Variants in NRXN1 observed in about 807,000 individuals in gnomAD.
NRXN1 encodes neurexin-1.
Under a neutral mutation model 150.9 loss-of-function variants are expected in NRXN1, and 39 were observed. That is an observed-to-expected ratio of 0.26 (90% CI 0.20 to 0.34). NRXN1 has a LOEUF of 0.34. NRXN1 is among the 10% of genes least tolerant of loss of function. The pLI is 1.00. For synonymous variants in NRXN1, 924 were observed against 757.0 expected (o/e 1.22, Z -3.62); for missense variants, 1,815 against 1,949.9 (o/e 0.93, Z 1.30).
chr2:50,587,313 C>T lies in NRXN1; in HGVS notation c.1320+32709G>A, dbSNP rs370007027. On this transcript the variant is annotated intron_variant, in intron 8 of 22. Transcript: ENST00000401669. ...CAACCTGGGCAACATGGTGAAACAC[C>T]GTCTCCACTAAAAATACAAAAATTA... 7.8e-4 allele frequency among the ~76,000 whole-genome samples: 119 copies of T among 152,356 alleles called. No individual in the cohort carries two copies. The East Asian group carries it at 0.019, about 25-fold the overall frequency.
chr2:50,267,136 G>T (rs374089345), intron 17 of NRXN1, among the ~76,000 whole-genome samples: 1 of 152,138 alleles, frequency 6.6e-6, no homozygotes, highest in African/African-American at 2.4e-5. Flanking sequence ...TTATTTCTTT[G>T]TTTAACTGGA....
At chr2:50,067,548 G>C (rs947885116) in intron 19 of NRXN1, among the ~76,000 whole-genome samples, 10 of 152,100 alleles carry the variant, frequency 6.6e-5, no homozygotes, top group Admixed American at 4.6e-4. Context: ...AAGCAGCAGG[G>C]ACAAGCAGGT....
At chr2:50,970,413 A>C (rs529118004) in intron 2 of NRXN1, among the ~76,000 whole-genome samples, 1 of 152,104 alleles carries the variant, frequency 6.6e-6, no homozygotes, top group Non-Finnish European at 1.5e-5. Context: ...TATTATCAGG[A>C]CATTCTTCAC....
At chr2:50,771,946 G>T (rs967705516) in intron 5 of NRXN1, among the ~76,000 whole-genome samples, 1 of 152,048 alleles carries the variant, frequency 6.6e-6, no homozygotes, top group Non-Finnish European at 1.5e-5. Flanking sequence ...ATAATAAAAG[G>T]TCAAGTGCCA....
chr2:50,640,947 T>C, intron 5 of NRXN1, among the ~76,000 whole-genome samples: 1 of 152,168 alleles, frequency 6.6e-6, no homozygotes, highest in African/African-American at 2.4e-5. Context: ...ATAAAATAAG[T>C]AGATAAAGAA....
At chr2:50,412,626 A>AT in intron 17 of NRXN1, among the ~76,000 whole-genome samples, 1 of 152,166 alleles carries the variant, frequency 6.6e-6, no homozygotes, top group South Asian at 2.1e-4. Flanking sequence ...GCATTTGCTT[A>AT]TTTTTGTGGT....
chr2:49,974,188 G>A, intron 21 of NRXN1: 1 of 707,478 alleles, frequency 1.4e-6, no homozygotes, highest in Non-Finnish European at 2.6e-6. Context: ...AGATGGGCGA[G>A]AAAAGACACA....
intron 21 of NRXN1, chr2:50,019,421 G>GA (rs1377407178): frequency 2.3e-6 from 1 of 431,384 alleles, no homozygotes; most frequent in Non-Finnish European, 4.7e-6. Flanking sequence ...GAGGTGGGTG[G>GA]ATCACAAGGT....
At chr2:50,402,961 G>A (rs1331972068) in intron 17 of NRXN1, among the ~76,000 whole-genome samples, 1 of 152,100 alleles carries the variant, frequency 6.6e-6, no homozygotes, top group Non-Finnish European at 1.5e-5. Context: ...AAATGATATA[G>A]CGCTTTCCAA....
chr2:50,918,305 T>A (rs1234599677), intron 5 of NRXN1: 1 of 209,578 alleles, frequency 4.8e-6, no homozygotes, highest in Non-Finnish European at 9.4e-6. Flanking sequence ...ACAAATACAT[T>A]TAAGTCATGA....
chr2:50,053,354 T>TCC lies in NRXN1; in HGVS notation c.4044_4045insGG (p.Thr1349GlyfsTer58). The TCC allele has an allele frequency of 6.2e-7, 1 of 1,614,044 alleles. No homozygotes were observed. The highest frequency in any genetic ancestry group is 8.5e-7 in the Non-Finnish European group (1 of 1,179,922). On this transcript the variant is annotated frameshift_variant, in exon 21 of 23. Transcript: ENST00000401669. LOFTEE classifies it high-confidence loss of function. ...GTCGTGGTAGTCTCCATAATTGATG[T>TCC]GGACATCTCTGATTGCATGGCAGTG...
At chr2:50,458,575 A>G (rs1219160627) in intron 17 of NRXN1, among the ~76,000 whole-genome samples, 1 of 131,360 alleles carries the variant, frequency 7.6e-6, no homozygotes, top group Non-Finnish European at 1.6e-5. Flanking sequence ...ACTATCATGT[A>G]TTCATAATTT....
intron 12 of NRXN1, 156 bp from the exon 13 acceptor site, chr2:50,506,773 A>G (rs1334546354): frequency 4.0e-6 from 3 of 757,938 alleles, no homozygotes; most frequent in Non-Finnish European, 6.1e-6. Context: ...AGAGAAAGGA[A>G]ACAGAGAAGA....
At chr2:50,701,546 T>C (rs1183855645) in intron 5 of NRXN1, among the ~76,000 whole-genome samples, 1 of 152,176 alleles carries the variant, frequency 6.6e-6, no homozygotes, top group Non-Finnish European at 1.5e-5. Flanking sequence ...ATTTCTATCA[T>C]ACCTTATTAC....
At chr2:50,089,497 A>AT (rs1043548466) in intron 19 of NRXN1, among the ~76,000 whole-genome samples, 1 of 152,174 alleles carries the variant, frequency 6.6e-6, no homozygotes, top group African/African-American at 2.4e-5. Flanking sequence ...TTAAAAGCAC[A>AT]TTTTTTAGGC....
At chr2:50,023,649 T>A (rs538318627) in intron 21 of NRXN1, 2 of 152,282 alleles carry the variant, frequency 1.3e-5, no homozygotes, top group South Asian at 4.1e-4. Context: ...AGCAATTCAA[T>A]GGGATAATTG....
chr2:50,781,462 G>A (rs1350207207), intron 5 of NRXN1, among the ~76,000 whole-genome samples: 2 of 152,060 alleles, frequency 1.3e-5, no homozygotes, highest in Non-Finnish European at 2.9e-5. Context: ...GCTTAGCCCT[G>A]AACATGTAGA....
chr2:50,549,671 G>C (rs1667144750), intron 9 of NRXN1, among the ~76,000 whole-genome samples: 1 of 152,176 alleles, frequency 6.6e-6, no homozygotes, highest in Non-Finnish European at 1.5e-5. Context: ...CTTCTCCAAT[G>C]AGGGTACAAA....
chr2:50,643,955 C>G (rs946446622), intron 5 of NRXN1, among the ~76,000 whole-genome samples: 1 of 151,800 alleles, frequency 6.6e-6, no homozygotes, highest in African/African-American at 2.4e-5. Flanking sequence ...GAATTGCCCT[C>G]AGTCTATAAT....
Sources: allele counts gnomAD v4.1 joint callset (sites outside exome capture counted in the v4.1 genomes callset), GRCh38; gene constraint gnomAD v4.1.1; transcripts MANE v1.5; gene names NCBI Gene and HGNC (gene_info 2026-07-23, HGNC 2026-07-21).